The following ZP2 variants were observed in gnomAD, a reference collection of about 807,000 sequenced individuals.
The protein encoded by ZP2 is zona pellucida sperm-binding protein 2.
Under a neutral mutation model 84.0 loss-of-function variants are expected in ZP2, and 51 were observed. That is an observed-to-expected ratio of 0.61 (90% CI 0.49 to 0.77). ZP2 has a LOEUF of 0.77. Ranked by LOEUF, ZP2 falls within the 30% of genes least tolerant of loss-of-function variation. The pLI is 0.00. For synonymous variants in ZP2, 375 were observed against 330.9 expected, an observed-to-expected ratio of 1.13 and a Z score of -1.45; for missense variants, 909 against 911.9, an observed-to-expected ratio of 1.00 and a Z score of 0.04.
intron 5 of ZP2, 86 bp from the exon 6 acceptor site, chr16:21,205,861 TACCA>T: frequency 3.6e-6 from 5 of 1,376,712 alleles, no homozygotes; most frequent in Non-Finnish European, 5.1e-6. Flanking sequence ...GTGGTTGTCA[TACCA>T]AAAGGCCTGC....
intron 10 of ZP2, 30 bp downstream of exon 10, chr16:21,203,095 T>A: frequency 6.2e-7 from 1 of 1,604,108 alleles, no homozygotes; most frequent in Non-Finnish European, 8.5e-7. Context: ...AGAAAAAAGG[T>A]AGAACATGAT....
At chr16:21,201,139 C>T (rs535725997) in intron 14 of ZP2, among the ~76,000 whole-genome samples, 1 of 150,484 alleles carries the variant, frequency 6.6e-6, no homozygotes, top group Admixed American at 6.7e-5. Context: ...GCAGGGGCTA[C>T]AGTGAGCTAA....
chr16:21,200,293 C>G (rs929636022), intron 14 of ZP2, among the ~76,000 whole-genome samples: 1 of 152,162 alleles, frequency 6.6e-6, no homozygotes, highest in East Asian at 1.9e-4. Context: ...TAAAAATTAG[C>G]TGGGCATGGT....
At chr16:21,210,917 T>C (rs568058160) in intron 2 of ZP2, among the ~76,000 whole-genome samples, 5 of 151,596 alleles carry the variant, frequency 3.3e-5, no homozygotes, top group Non-Finnish European at 7.4e-5. Flanking sequence ...TTGCCCATCA[T>C]CTGCTACTCT....
intron 16 of ZP2, 47 bp from the exon 17 acceptor site, chr16:21,198,909 T>C (rs1379889783): frequency 2.0e-6 from 3 of 1,525,460 alleles, no homozygotes; most frequent in Non-Finnish European, 2.7e-6. Context: ...GAATAGTGGT[T>C]CGAGAGGTGT....
At chr16:21,209,880 T>C in intron 3 of ZP2, 155 bp from the exon 4 acceptor site, 2 of 741,172 alleles carry the variant, frequency 2.7e-6, no homozygotes, top group East Asian at 5.3e-5. Context: ...TGAGATGGTA[T>C]GACTTGCAGC....
Position 21,207,017 on chromosome 16 carries a change from AGAGT to A in ZP2, c.331-31_331-28del, listed in dbSNP as rs1271292002. On this transcript the variant is annotated intron_variant, in intron 4 of 18. Coordinates refer to ENST00000574091, the MANE Select transcript of ZP2 (RefSeq NM_001376232.1). ...TGTGTACAGATAGCACAGTGGGAAC[AGAGT>A]AAGTACTGTACCCCCATGGGATTCT... 7 of 1,613,762 alleles carry A rather than the reference AGAGT, an allele frequency of 4.3e-6. No homozygotes were observed. The Admixed American group carries it at 5.0e-5, about 12-fold the overall frequency.
At chr16:21,211,653 A>G (rs768082975), upstream of ZP2, 6 of 1,595,916 alleles carry the variant, frequency 3.8e-6, no homozygotes, top group South Asian at 2.2e-5. Flanking sequence ...GGGCACCTGA[A>G]TCTTGTCCCA....
chr16:21,203,228 A>G lies in ZP2; in HGVS notation c.996T>C (p.His332=), dbSNP rs1405478121. 7 of 1,613,854 alleles carry G rather than the reference A, an allele frequency of 4.3e-6. No homozygotes were observed. Among genetic ancestry groups the G allele is most frequent in the Non-Finnish European group, 5.9e-6 (7 of 1,179,872 alleles). The change falls in exon 10 of 19, where the codon CAT becomes CAC. Residue 332 remains histidine, a synonymous_variant. Coordinates refer to ENST00000574091, the MANE Select transcript of ZP2 (RefSeq NM_001376232.1). ...KTKLSEKCLL[H]QFYLASLKLT... is the part of the protein sequence containing the mutation. ...GCTTGAGTGAAGCTAAGTAGAACTG[A>G]TGGAGTAGGCATTTTTCAGATAACT...
rs1567217175 is a variant in ZP2, at chr16:21,209,967, C to T, written c.235+142G>A. On this transcript the variant is annotated intron_variant, in intron 3 of 18. Coordinates refer to ENST00000574091, the MANE Select transcript of ZP2 (RefSeq NM_001376232.1). Reference sequence around the variant, plus strand: ...GTCTTCCATGCTGGGTGGCTTCATGCAAATCAGGTATCCCCATGGCATCAT... The same window carrying T: ...GTCTTCCATGCTGGGTGGCTTCATGTAAATCAGGTATCCCCATGGCATCAT... 6.4e-6 allele frequency: 5 copies of T among 785,234 alleles called. No homozygotes were observed. The South Asian group carries it at 6.6e-5, about 10-fold the overall frequency. The allele number at this position is 785,234 out of a possible 1,614,324, so 48.6% of individuals were successfully genotyped here.
At chr16:21,197,994 T>TTGGCAC (rs1340556201) in intron 17 of ZP2, 145 bp from the exon 18 acceptor site, 20 of 702,126 alleles carry the variant, frequency 2.8e-5, no homozygotes, top group Non-Finnish European at 4.7e-5. Context: ...AATACACACT[T>TTGGCAC]AAGTTTGGCC....
In ZP2 at chr16:21,204,177, G is replaced by C. The variant is rs781561602; in HGVS notation, c.825C>G (p.Leu275=). The change falls in exon 9 of 19, where the codon CTC becomes CTG. Residue 275 remains leucine (L), a synonymous_variant. Coordinates refer to ENST00000574091, the MANE Select transcript of ZP2 (RefSeq NM_001376232.1). ...GCTTCCCAGGAAACTCTGGTATGGT[G>C]AGAGTCATGTGTGTGGCATTGCAGG... is the stretch of plus-strand genomic sequence containing the variant. ...PVTCNATHMT[L]TIPEFPGKLK... is the part of the protein sequence containing the mutation. 5.6e-6 allele frequency: 9 copies of C among 1,614,166 alleles called. 1 individual carries two copies. The South Asian group carries it at 8.8e-5, about 16-fold the overall frequency.
intron 2 of ZP2, among the ~76,000 whole-genome samples, chr16:21,210,849 A>G (rs1479251227): frequency 6.7e-6 from 1 of 149,896 alleles, no homozygotes; most frequent in Non-Finnish European, 1.5e-5. Context: ...TTCTGGGATT[A>G]CAGGCGTGAG....
intron 14 of ZP2, among the ~76,000 whole-genome samples, chr16:21,200,603 G>C (rs564278868): frequency 5.3e-5 from 8 of 152,332 alleles, no homozygotes; most frequent in Non-Finnish European, 8.8e-5. Context: ...GTACAAGTGT[G>C]TGGCTGCAAC....
At chr16:21,204,486 T>C in intron 7 of ZP2, 82 bp from the exon 8 acceptor site, 1 of 1,133,980 alleles carries the variant, frequency 8.8e-7, no homozygotes. Flanking sequence ...GGCAAGTATA[T>C]ATCCAAGTAA....
rs763479482 is a variant in ZP2, at chr16:21,205,762, C to T, written c.497G>A (p.Arg166Gln). 7 of 1,613,798 alleles carry T rather than the reference C, an allele frequency of 4.3e-6. No individual in the cohort carries two copies. The highest frequency in any genetic ancestry group is 2.7e-5 in the African/African-American group (2 of 74,870). The change falls in exon 6 of 19, where the codon CGG (arginine) becomes CAG (glutamine). Residue 166 changes from arginine (R) to glutamine (Q), a missense_variant. Coordinates refer to ENST00000574091, the MANE Select transcript of ZP2 (RefSeq NM_001376232.1). The stretch of plus-strand genomic sequence containing the variant: ...GTCGTCAGCCAAGCCAGAGAAGACC[C>T]GTGGCAAGGAAAACTGGAAGAAAAG... ...QKDFMSFSLPRVFSGLADDSK... is the reference protein window; with the variant it reads ...QKDFMSFSLPQVFSGLADDSK...
In ZP2 at chr16:21,211,412, A is replaced by C; in HGVS notation, c.63-17T>G. 1 of 1,614,138 alleles carries C rather than the reference A, an allele frequency of 6.2e-7. No homozygotes were observed. The highest frequency in any genetic ancestry group is 8.5e-7 in the Non-Finnish European group (1 of 1,180,008). ...CTGTAGGTGCTGGAAAGAGACAGGG[A>C]GATAGTCAAGGAAGAATGGACTTTA... On this transcript the variant is annotated splice_polypyrimidine_tract_variant and intron_variant, in intron 1 of 18. Transcript: ENST00000574091.
At chr16:21,203,752 T>C (rs2093236773) in intron 9 of ZP2, 1 of 500,514 alleles carries the variant, frequency 2.0e-6, no homozygotes, top group African/African-American at 1.9e-5. Flanking sequence ...GACAAGTAGT[T>C]GCTACTACTC....
chr16:21,205,295 G>T, intron 7 of ZP2, 125 bp downstream of exon 7: 3 of 1,143,846 alleles, frequency 2.6e-6, no homozygotes, highest in Non-Finnish European at 3.7e-6. Flanking sequence ...CGAAGTGTTT[G>T]GCACTTAATA....
Sources: gnomAD v4.1 joint callset for allele counts (sites outside exome capture counted in the v4.1 genomes callset) on GRCh38, gnomAD v4.1.1 for gene constraint, MANE v1.5 for transcripts, NCBI Gene and HGNC (gene_info 2026-07-23, HGNC 2026-07-21) for gene names.